The following PDHX variants were observed in gnomAD, a reference collection of about 807,000 sequenced individuals.
PDHX encodes the protein pyruvate dehydrogenase protein X component, mitochondrial.
In PDHX, 33 loss-of-function variants were observed where a neutral mutation model predicts 55.3. The observed-to-expected ratio is 0.60, with a 90% CI of 0.45 to 0.80. The LOEUF (loss-of-function observed/expected upper bound fraction) is 0.80, where lower values mean the gene tolerates loss of function less well. Among genes scored for constraint, PDHX ranks in the 30% least tolerant of loss-of-function variants. PDHX has a pLI of 0.00. For synonymous variants in PDHX, 226 were observed against 219.4 expected (o/e 1.03, Z -0.27); for missense variants, 622 against 619.9 (o/e 1.00, Z -0.04).
At chr11:34,976,259 C>A (rs982232844) in intron 7 of PDHX, among the ~76,000 whole-genome samples, 1 of 152,156 alleles carries the variant, frequency 6.6e-6, no homozygotes, top group Non-Finnish European at 1.5e-5. Flanking sequence ...ACATAACATT[C>A]TGTATGCATG....
chr11:34,931,966 T>G (rs1854186764), intron 2 of PDHX, among the ~76,000 whole-genome samples: 1 of 152,060 alleles, frequency 6.6e-6, no homozygotes, highest in Non-Finnish European at 1.5e-5. Flanking sequence ...TGCTAATTAT[T>G]GAAATATAGT....
At chr11:34,961,790 A>G (rs1373161831) in intron 5 of PDHX, among the ~76,000 whole-genome samples, 4 of 150,896 alleles carry the variant, frequency 2.7e-5, no homozygotes, top group African/African-American at 5.0e-5. Flanking sequence ...GCCACACTGC[A>G]TGAGTTGGAA....
At chr11:34,938,722 T>C (rs1854395925) in intron 2 of PDHX, among the ~76,000 whole-genome samples, 1 of 152,234 alleles carries the variant, frequency 6.6e-6, no homozygotes, top group African/African-American at 2.4e-5. Context: ...ACTGGCAATC[T>C]AATAAGTTAT....
chr11:34,982,286 A>C (rs891332016), intron 8 of PDHX, among the ~76,000 whole-genome samples: 1 of 152,286 alleles, frequency 6.6e-6, no homozygotes, highest in South Asian at 2.1e-4. Context: ...TGTTTTTGTC[A>C]GGTTTGTCAA....
Position 34,916,631 on chromosome 11 carries a change from G to T in PDHX, c.-25G>T. 1 of 1,603,580 alleles carries T rather than the reference G, an allele frequency of 6.2e-7. No homozygotes were observed. The highest frequency in any genetic ancestry group is 2.2e-5 in the East Asian group (1 of 44,846). On this transcript the variant is annotated 5_prime_UTR_variant, in exon 1 of 11. Transcript: ENST00000227868. ...ATGCTGGACATCAGGCTGTGCTGCG[G>T]GCAGCCAGTGAGAAGGCCGTCAAGA...
At chr11:34,951,018 C>T (rs1394473792) in intron 3 of PDHX, among the ~76,000 whole-genome samples, 4 of 149,448 alleles carry the variant, frequency 2.7e-5, no homozygotes, top group African/African-American at 9.8e-5. Flanking sequence ...CCTATTTCTC[C>T]ACATCCTCTC....
intron 7 of PDHX, among the ~76,000 whole-genome samples, chr11:34,973,239 C>T (rs1855293904): frequency 6.6e-6 from 1 of 152,162 alleles, no homozygotes; most frequent in African/African-American, 2.4e-5. Context: ...ACATCTGTAG[C>T]CACTGCAGAT....
At chr11:34,991,196 T>A (rs1855750178) in intron 9 of PDHX, among the ~76,000 whole-genome samples, 1 of 152,216 alleles carries the variant, frequency 6.6e-6, no homozygotes, top group African/African-American at 2.4e-5. Context: ...ATGAATCAAG[T>A]ACATCCTTAT....
chr11:34,995,208 G>T lies in PDHX; in HGVS notation c.*36G>T, dbSNP rs767700777. 6.2e-7 allele frequency: 1 copy of T among 1,608,870 alleles called. No individual in the cohort carries two copies. The highest frequency in any genetic ancestry group is 1.1e-5 in the South Asian group (1 of 90,426). On this transcript the variant is annotated 3_prime_UTR_variant, in exon 11 of 11. Coordinates refer to ENST00000227868, the MANE Select transcript of PDHX (RefSeq NM_003477.3). ...TAAGAAGTTGGTGTTCAGCTTAGTT[G>T]ATTCAGTAGTTGTTACCAAGAAACA...
chr11:34,932,885 C>T lies in PDHX; in HGVS notation c.241+1401C>T, dbSNP rs60325093. Among the ~76,000 whole-genome samples, 836 of 152,152 alleles carry T rather than the reference C, an allele frequency of 5.5e-3. 12 individuals are homozygous for T. Among genetic ancestry groups the T allele is most frequent in the African/African-American group, 0.019 (801 of 41,516 alleles). On this transcript the variant is annotated intron_variant, in intron 2 of 10. Coordinates refer to ENST00000227868, the MANE Select transcript of PDHX (RefSeq NM_003477.3). ...ATTTGTTGAATAACTTTTACTGTAT[C>T]TACACCTGTAAAAAGGAATGAGGAA...
intron 2 of PDHX, among the ~76,000 whole-genome samples, chr11:34,936,641 A>T (rs994343234): frequency 1.3e-5 from 2 of 152,176 alleles, no homozygotes; most frequent in Non-Finnish European, 2.9e-5. Flanking sequence ...CATTGGGGAC[A>T]TAATGGCTGT....
chr11:34,949,654 A>C (rs1437545473), intron 3 of PDHX, among the ~76,000 whole-genome samples: 6 of 152,206 alleles, frequency 3.9e-5, no homozygotes, highest in Admixed American at 1.3e-4. Flanking sequence ...TTTAAATGAT[A>C]AATTAATAAA....
chr11:34,916,513 G>T (rs1289395346), upstream of PDHX: 5 of 1,456,116 alleles, frequency 3.4e-6, no homozygotes, highest in Non-Finnish European at 1.8e-6. Context: ...TGGAGGCGGG[G>T]CTGGGTTGGG....
chr11:34,966,168 T>C (rs1855127097), intron 5 of PDHX, among the ~76,000 whole-genome samples: 1 of 152,182 alleles, frequency 6.6e-6, no homozygotes, highest in African/African-American at 2.4e-5. Flanking sequence ...ATAAGCTGAT[T>C]TGCACTATAA....
In PDHX at chr11:34,966,677, A is replaced by G; in HGVS notation, c.679A>G (p.Lys227Glu). ...LKLVQLKQTG[K>E]ITESRPTPAP... is the part of the protein sequence containing the mutation. ...ACTTGTCCAGTTGAAACAAACGGGC[A>G]AGATTACCGAGTCCAGACCAACTCC... Residue 227 changes from lysine to glutamate, a missense_variant, in exon 6 of 11, where the codon AAG (lysine) becomes GAG (glutamate). Transcript: ENST00000227868. The G allele has an allele frequency of 6.2e-7, 1 of 1,614,076 alleles. No homozygotes were observed. The highest frequency in any genetic ancestry group is 8.5e-7 in the Non-Finnish European group (1 of 1,180,012).
chr11:34,960,406 T>G lies in PDHX; in HGVS notation c.543-14T>G. The G allele has an allele frequency of 6.4e-7, 1 of 1,569,056 alleles. No homozygotes were observed. Among genetic ancestry groups the G allele is most frequent in the Non-Finnish European group, 8.8e-7 (1 of 1,139,362 alleles). On this transcript the variant is annotated splice_polypyrimidine_tract_variant and intron_variant, in intron 4 of 10. Coordinates refer to ENST00000227868, the MANE Select transcript of PDHX (RefSeq NM_003477.3). ...TGTTAATTGGTTCTATTAACCTTCA[T>G]ATTTTTTTCTTAGGTTCCGTTTAAG...
At chr11:34,950,372 T>A (rs1854728183) in intron 3 of PDHX, among the ~76,000 whole-genome samples, 1 of 147,756 alleles carries the variant, frequency 6.8e-6, no homozygotes, top group Non-Finnish European at 1.5e-5. Context: ...TTATTTATTT[T>A]ATTATTATTA....
rs1064796807 is a variant in PDHX at position 34,916,789 on chromosome 11, G to A, written c.134G>A (p.Trp45Ter). 2 of 1,594,834 alleles carry A rather than the reference G, an allele frequency of 1.3e-6. No individual in the cohort carries two copies. Residue 45 changes from tryptophan to a stop codon, truncating the protein, a stop_gained, in exon 1 of 11, where the codon TGG becomes TAG. Coordinates refer to ENST00000227868, the MANE Select transcript of PDHX (RefSeq NM_003477.3). LOFTEE classifies it high-confidence loss of function. ...GTAAGCCGCGGAGCTAATTGGAGAT[G>A]GTTTCACAGCACGCAGTGGCTTCGG... ...WSVSRGANWR[W>*]FHSTQWLRGD...
chr11:34,977,814 A>C (rs1421569540), intron 7 of PDHX: 1 of 475,982 alleles, frequency 2.1e-6, no homozygotes. Flanking sequence ...CATAGGAGTT[A>C]GTTCTTTTTT....
Sources: allele counts gnomAD v4.1 joint callset (sites outside exome capture counted in the v4.1 genomes callset), GRCh38; gene constraint gnomAD v4.1.1; transcripts MANE v1.5; gene names NCBI Gene and HGNC (gene_info 2026-07-23, HGNC 2026-07-21).